NCALD: variants seen among roughly 807,000 people sequenced by gnomAD.
NCALD encodes the protein neurocalcin-delta.
A neutral mutation model predicts 18.6 loss-of-function variants in NCALD; 10 were observed. That is an observed-to-expected ratio of 0.54 (90% CI 0.33 to 0.91). The LOEUF is 0.91. Among genes scored for constraint, NCALD ranks in the 40% least tolerant of loss-of-function variants. NCALD has a pLI of 0.03. For synonymous variants in NCALD, 88 were observed against 87.4 expected, an observed-to-expected ratio of 1.01 and a Z score of -0.04; for missense variants, 184 against 247.6, an observed-to-expected ratio of 0.74 and a Z score of 1.72.
chr8:101,845,701 T>C (rs1299297544), intron 4 of NCALD, among the ~76,000 whole-genome samples: 1 of 152,216 alleles, frequency 6.6e-6, no homozygotes, highest in Non-Finnish European at 1.5e-5. Flanking sequence ...CTCTTCTAGC[T>C]ATTTTGAAAT....
intron 4 of NCALD, among the ~76,000 whole-genome samples, chr8:101,844,766 G>A (rs143652236): frequency 4.6e-5 from 7 of 152,200 alleles, no homozygotes; most frequent in South Asian, 4.2e-4. Flanking sequence ...GCCAGAGAGC[G>A]GTGAGTTCTT....
At chr8:101,929,863 T>C (rs1818508846) in intron 2 of NCALD, among the ~76,000 whole-genome samples, 2 of 152,044 alleles carry the variant, frequency 1.3e-5, no homozygotes, top group East Asian at 1.9e-4. Context: ...CTGACCAACA[T>C]GGTAAAACCC....
intron 2 of NCALD, among the ~76,000 whole-genome samples, chr8:101,919,814 A>T (rs1323245491): frequency 6.6e-6 from 1 of 152,228 alleles, no homozygotes; most frequent in African/African-American, 2.4e-5. Context: ...GAGAAATGCA[A>T]ATCAAAACCA....
chr8:101,882,219 T>C (rs1166685556), intron 4 of NCALD, among the ~76,000 whole-genome samples: 1 of 152,218 alleles, frequency 6.6e-6, no homozygotes, highest in Non-Finnish European at 1.5e-5. Flanking sequence ...TCTAAGATTC[T>C]TGGCATATGC....
At chr8:101,718,492 T>G (rs1354329899) in intron 2 of NCALD, among the ~76,000 whole-genome samples, 1 of 152,130 alleles carries the variant, frequency 6.6e-6, no homozygotes, top group Non-Finnish European at 1.5e-5. Context: ...GCTGAGTTCT[T>G]AGCAGGGAGT....
At chr8:101,929,466 A>AAGGGAAGGAGGGAGGGAGGGAGGAAGG (rs1818477232) in intron 2 of NCALD, among the ~76,000 whole-genome samples, 1 of 27,716 alleles carries the variant, frequency 3.6e-5, no homozygotes, top group African/African-American at 1.9e-4. Context: ...AGGAAGGAAG[A>AAGGGAAGGAGGGAGGGAGGGAGGAAGG]AAAGAAGGAA....
rs567953430 is a variant in NCALD at position 101,703,724 on chromosome 8, C to T, written c.379-10828G>A. ...GGTGGACTCACTGATGGGCAGATGG[C>T]GCTGAGAGTTTGGAGACACTAAAGT... On this transcript the variant is annotated intron_variant, in intron 2 of 3. Coordinates refer to ENST00000220931, the MANE Select transcript of NCALD (RefSeq NM_032041.3). 6.6e-5 allele frequency among the ~76,000 whole-genome samples: 10 copies of T among 152,182 alleles called. No homozygotes were observed. In the East Asian group the frequency reaches 7.7e-4, roughly 12 times the overall value.
At chr8:101,969,051 T>C (rs7003320) in intron 2 of NCALD, among the ~76,000 whole-genome samples, 65,352 of 152,018 alleles carry the variant, frequency 0.43, 14,241 homozygotes, top group South Asian at 0.47. Context: ...CCTTAAACCA[T>C]CTTGGAATTT....
chr8:101,983,412 T>A (rs1265677212), intron 2 of NCALD, among the ~76,000 whole-genome samples: 1 of 152,186 alleles, frequency 6.6e-6, no homozygotes, highest in Non-Finnish European at 1.5e-5. Flanking sequence ...AAGCCAGAAA[T>A]ATGAAGTTTC....
chr8:101,974,592 C>A (rs1034300034), intron 2 of NCALD, among the ~76,000 whole-genome samples: 1 of 152,170 alleles, frequency 6.6e-6, no homozygotes, highest in Admixed American at 6.5e-5. Context: ...CCTGCTGAAG[C>A]CGCTCCCTTA....
intron 3 of NCALD, among the ~76,000 whole-genome samples, chr8:101,896,720 C>A (rs1470820516): frequency 7.0e-6 from 1 of 142,306 alleles, no homozygotes; most frequent in Non-Finnish European, 1.5e-5. Flanking sequence ...TGAACAGACG[C>A]TTCTCAAAAG....
chr8:101,865,536 C>T (rs543722223), intron 4 of NCALD, among the ~76,000 whole-genome samples: 1 of 152,228 alleles, frequency 6.6e-6, no homozygotes, highest in South Asian at 2.1e-4. Flanking sequence ...TGGTCCCAGT[C>T]TGTGCTTTAG....
At chr8:102,114,899 G>C (rs1825739023) in intron 1 of NCALD, among the ~76,000 whole-genome samples, 1 of 152,210 alleles carries the variant, frequency 6.6e-6, no homozygotes, top group Non-Finnish European at 1.5e-5. Context: ...CAAGGCAGAG[G>C]AAACTGGCCT....
At chr8:102,088,487 A>G (rs7000691) in intron 1 of NCALD, among the ~76,000 whole-genome samples, 13,752 of 152,050 alleles carry the variant, frequency 0.09, 1,674 homozygotes, top group African/African-American at 0.28. Flanking sequence ...AAAAGTGGGT[A>G]TTCAAGTTCT....
At chr8:102,047,856 G>A (rs937791520) in intron 1 of NCALD, among the ~76,000 whole-genome samples, 2 of 152,174 alleles carry the variant, frequency 1.3e-5, no homozygotes, top group Admixed American at 1.3e-4. Context: ...AAAGGGTTGA[G>A]ATCAAGAGGT....
intron 2 of NCALD, among the ~76,000 whole-genome samples, chr8:101,971,395 G>T (rs1398511405): frequency 6.6e-6 from 1 of 152,030 alleles, no homozygotes; most frequent in Non-Finnish European, 1.5e-5. Context: ...TCAAGGGCAG[G>T]ACCTGGTGGG....
intron 4 of NCALD, among the ~76,000 whole-genome samples, chr8:101,811,332 G>C (rs896184637): frequency 1.3e-5 from 2 of 152,178 alleles, no homozygotes; most frequent in Non-Finnish European, 1.5e-5. Context: ...GGAAGATGGA[G>C]GAAGGGGCCA....
intron 3 of NCALD, among the ~76,000 whole-genome samples, chr8:101,910,901 A>G (rs990106400): frequency 6.6e-6 from 1 of 152,222 alleles, no homozygotes; most frequent in Non-Finnish European, 1.5e-5. Context: ...TTTAGCCCTG[A>G]TCAACAATCA....
intron 1 of NCALD, among the ~76,000 whole-genome samples, chr8:101,760,271 T>C (rs1417968753): frequency 2.0e-5 from 3 of 152,176 alleles, no homozygotes; most frequent in Non-Finnish European, 2.9e-5. Context: ...ATTTTTACAA[T>C]GCTTATCACT....
Sources: allele counts gnomAD v4.1 joint callset (sites outside exome capture counted in the v4.1 genomes callset), GRCh38; gene constraint gnomAD v4.1.1; transcripts MANE v1.5; gene names NCBI Gene and HGNC (gene_info 2026-07-23, HGNC 2026-07-21).